Variants in FBXO36 observed in about 807,000 individuals in gnomAD.
FBXO36 encodes the protein F-box protein 36.
In FBXO36, 18 loss-of-function variants were observed where a neutral mutation model predicts 17.0. That is an observed-to-expected ratio of 1.06 (90% CI 0.73 to 1.57). The LOEUF (loss-of-function observed/expected upper bound fraction) is 1.57, where lower values mean the gene tolerates loss of function less well. Among genes scored for constraint, FBXO36 ranks in the 40% most tolerant of loss-of-function variants. FBXO36 has a pLI of 0.00. For synonymous variants in FBXO36, 83 were observed against 85.3 expected (o/e 0.97, Z 0.15); for missense variants, 229 against 221.9 (o/e 1.03, Z -0.20).
chr2:229,995,249 A>G (rs770856858), intron 2 of FBXO36, among the ~76,000 whole-genome samples: 11 of 152,236 alleles, frequency 7.2e-5, no homozygotes, highest in Non-Finnish European at 1.2e-4. Context: ...ACCACTGTTT[A>G]CATTTAAACA....
At chr2:229,958,332 A>C (rs887676108) in intron 1 of FBXO36, among the ~76,000 whole-genome samples, 10 of 133,090 alleles carry the variant, frequency 7.5e-5, no homozygotes, top group Non-Finnish European at 1.4e-4. Flanking sequence ...GTGCAGTGGC[A>C]CAATCTCAGC....
At chr2:229,974,548 G>A (rs1363015558) in intron 1 of FBXO36, among the ~76,000 whole-genome samples, 2 of 152,190 alleles carry the variant, frequency 1.3e-5, no homozygotes, top group African/African-American at 4.8e-5. Flanking sequence ...GAGGCCAACA[G>A]ATTGTACAGG....
intron 1 of FBXO36, among the ~76,000 whole-genome samples, chr2:229,961,116 A>T (rs572956737): frequency 1.3e-5 from 2 of 152,116 alleles, no homozygotes; most frequent in African/African-American, 4.8e-5. Context: ...CTCAAAAAAA[A>T]AAAATAAATT....
chr2:230,007,821 C>G (rs1438042134), intron 3 of FBXO36, among the ~76,000 whole-genome samples: 1 of 152,056 alleles, frequency 6.6e-6, no homozygotes, highest in Non-Finnish European at 1.5e-5. Context: ...TTCTCGAATT[C>G]CTGATGTCAA....
intron 1 of FBXO36, among the ~76,000 whole-genome samples, chr2:229,949,268 G>C (rs902973236): frequency 2.0e-5 from 3 of 152,156 alleles, no homozygotes; most frequent in Admixed American, 6.5e-5. Context: ...CAAGTGTAAC[G>C]TGTGCACGTC....
chr2:229,980,166 G>A (rs2077230685), intron 2 of FBXO36, among the ~76,000 whole-genome samples: 1 of 151,972 alleles, frequency 6.6e-6, no homozygotes, highest in African/African-American at 2.4e-5. Context: ...TCATGCCACA[G>A]AGCCCCCGCC....
chr2:229,952,350 T>C (rs1465002038), intron 1 of FBXO36, among the ~76,000 whole-genome samples: 1 of 152,134 alleles, frequency 6.6e-6, no homozygotes, highest in Non-Finnish European at 1.5e-5. Flanking sequence ...AAACATTGGG[T>C]AGAGGCTTAA....
In FBXO36 at chr2:229,965,351, T is replaced by A. The variant is rs538101356; in HGVS notation, c.97-10890T>A. On this transcript the variant is annotated intron_variant, in intron 1 of 3. Transcript: ENST00000283946. ...TGAATGAATTTTCTTTTTTTTTCTT[T>A]TTTATTTATTTATTTTTTATATATT... Among the ~76,000 whole-genome samples the A allele has an allele frequency of 2.6e-3, 392 of 150,898 alleles. 3 individuals are homozygous for A. Among genetic ancestry groups the A allele is most frequent in the African/African-American group, 9.2e-3 (380 of 41,386 alleles).
At chr2:229,995,975 A>G (rs1403785669) in intron 2 of FBXO36, among the ~76,000 whole-genome samples, 6 of 151,754 alleles carry the variant, frequency 4.0e-5, no homozygotes, top group Non-Finnish European at 8.8e-5. Context: ...TGGTGTAGAC[A>G]CAATGTATAA....
chr2:230,002,375 T>C (rs929516380), intron 3 of FBXO36, among the ~76,000 whole-genome samples: 1 of 151,266 alleles, frequency 6.6e-6, no homozygotes, highest in Non-Finnish European at 1.5e-5. Context: ...TTCCCCCCCG[T>C]ACGTTAATTT....
At chr2:229,928,589 T>A (rs1441495857) in intron 1 of FBXO36, among the ~76,000 whole-genome samples, 1 of 152,198 alleles carries the variant, frequency 6.6e-6, no homozygotes, top group Admixed American at 6.5e-5. Context: ...CCTCCCTCAT[T>A]GAATATTGAG....
At chr2:229,948,103 G>A (rs942497886) in intron 1 of FBXO36, among the ~76,000 whole-genome samples, 5 of 150,786 alleles carry the variant, frequency 3.3e-5, no homozygotes, top group Admixed American at 2.0e-4. Flanking sequence ...TTCAAGAGCC[G>A]CCTAAGTAAC....
At position 229,968,340 on chromosome 2, in the gene FBXO36, TTTGA is replaced by T. The variant is rs760168049; in HGVS notation, c.97-7897_97-7894del. On this transcript the variant is annotated intron_variant, in intron 1 of 3. Coordinates refer to ENST00000283946, the MANE Select transcript of FBXO36 (RefSeq NM_174899.5). ...CTTAAAACTCTTATTTTCATTGTAC[TTTGA>T]TTGTTTAATTATACATTTGACAAAT... Among the ~76,000 whole-genome samples, 70 of 152,344 alleles carry T rather than the reference TTTGA, an allele frequency of 4.6e-4. 1 individual carries two copies. The highest frequency in any genetic ancestry group is 4.6e-4 in the Admixed American group (7 of 15,286).
At chr2:229,922,770 G>A (rs866074670) in intron 1 of FBXO36, among the ~76,000 whole-genome samples, 161 bp downstream of exon 1, 1 of 152,304 alleles carries the variant, frequency 6.6e-6, no homozygotes, top group African/African-American at 2.4e-5. Flanking sequence ...CGGCCTCCTC[G>A]GTCCGACGGC....
intron 2 of FBXO36, among the ~76,000 whole-genome samples, chr2:229,981,701 C>CAA (rs11326626): frequency 1.9e-5 from 2 of 103,182 alleles, no homozygotes; most frequent in African/African-American, 3.7e-5. Flanking sequence ...GACCCTGTCT[C>CAA]AAAAAAAAAA....
chr2:229,926,286 C>T (rs555220356), intron 1 of FBXO36, among the ~76,000 whole-genome samples: 4 of 151,736 alleles, frequency 2.6e-5, no homozygotes, highest in African/African-American at 9.7e-5. Flanking sequence ...AAAAAATTAG[C>T]TGGGCATGGT....
chr2:230,005,196 G>A (rs898317528), intron 3 of FBXO36, among the ~76,000 whole-genome samples: 1 of 152,012 alleles, frequency 6.6e-6, no homozygotes, highest in Admixed American at 6.6e-5. Context: ...TCACCTCCTG[G>A]GCTCAAGCAA....
At chr2:229,996,968 T>C in intron 3 of FBXO36, 45 bp downstream of exon 3, 2 of 1,565,116 alleles carry the variant, frequency 1.3e-6, no homozygotes, top group Non-Finnish European at 8.6e-7. Flanking sequence ...TTCCATGTGC[T>C]TTCTAAAAAA....
chr2:229,981,065 G>A (rs948182846), intron 2 of FBXO36, among the ~76,000 whole-genome samples: 3 of 152,168 alleles, frequency 2.0e-5, no homozygotes, highest in Admixed American at 6.5e-5. Flanking sequence ...GTAAGCTGGC[G>A]TTGAAATCTC....
Sources: gnomAD v4.1 joint callset for allele counts (sites outside exome capture counted in the v4.1 genomes callset) on GRCh38, gnomAD v4.1.1 for gene constraint, MANE v1.5 for transcripts, NCBI Gene and HGNC (gene_info 2026-07-23, HGNC 2026-07-21) for gene names.